RASSF8: variants seen among roughly 807,000 people sequenced by gnomAD.
RASSF8 encodes the protein ras association domain-containing protein 8.
In RASSF8, 22 loss-of-function variants were observed where a neutral mutation model predicts 48.5. The ratio of observed to expected loss-of-function variants is 0.45; its 90% CI spans 0.32 to 0.65. RASSF8 has a LOEUF of 0.65. Among genes scored for constraint, RASSF8 ranks in the 30% least tolerant of loss-of-function variants. The probability of loss-of-function intolerance (pLI) is 0.03; values close to 1 mark genes in which losing one functional copy is unlikely to be tolerated. For missense variants in RASSF8, 418 were observed against 489.2 expected, an observed-to-expected ratio of 0.85 and a Z score of 1.37; for synonymous variants, 127 against 171.5, an observed-to-expected ratio of 0.74 and a Z score of 2.03.
chr12:26,070,912 T>C lies in RASSF8; in HGVS notation c.*2094T>C. 1 of 984,860 alleles carries C rather than the reference T, an allele frequency of 1.0e-6. No individual in the cohort carries two copies. The highest frequency in any genetic ancestry group is 1.2e-6 in the Non-Finnish European group (1 of 829,406). 61.0% of individuals were successfully genotyped at this position (984,860 alleles called of 1,614,324 possible). A position where few individuals can be genotyped will look rare whatever the true frequency, so the allele number is the denominator to read the frequency against. ...TTATAAATTGTTATCAGAATTAACC[T>C]AATAACTTTAAGTAAGGACAAGCAG... On this transcript the variant is annotated 3_prime_UTR_variant, in exon 6 of 6. Transcript: ENST00000689635.
At chr12:26,037,292 G>C (rs186550576) in intron 2 of RASSF8, among the ~76,000 whole-genome samples, 1 of 152,294 alleles carries the variant, frequency 6.6e-6, no homozygotes, top group Admixed American at 6.5e-5. Flanking sequence ...CAATATCAGT[G>C]ATAAGATACT....
At chr12:26,067,196 G>A (rs1181865315) in intron 4 of RASSF8, among the ~76,000 whole-genome samples, 1 of 152,148 alleles carries the variant, frequency 6.6e-6, no homozygotes, top group Non-Finnish European at 1.5e-5. Context: ...AACCTGTGGG[G>A]TTTTTTCTTT....
rs1009681470 is a variant in RASSF8, at chr12:26,072,869, A to G, written c.*4051A>G. 1.1e-5 allele frequency: 10 copies of G among 894,544 alleles called. No individual in the cohort carries two copies. The highest frequency in any genetic ancestry group is 1.3e-5 in the Non-Finnish European group (10 of 747,438). The allele number at this position is 894,544 out of a possible 1,614,324, so 55.4% of individuals were successfully genotyped here. A position where few individuals can be genotyped will look rare whatever the true frequency, so the allele number is the denominator to read the frequency against. On this transcript the variant is annotated 3_prime_UTR_variant, in exon 6 of 6. Transcript: ENST00000689635. The stretch of plus-strand genomic sequence containing the variant: ...ATAAATTTTCAGGATTCATTGGGGC[A>G]TTACAGTTGTCAGTTTGTTTCTTAC...
chr12:26,060,293 G>A (rs1242762251), intron 3 of RASSF8, among the ~76,000 whole-genome samples: 2 of 152,096 alleles, frequency 1.3e-5, no homozygotes, highest in Non-Finnish European at 2.9e-5. Context: ...AAGATACACT[G>A]TGGATGATGT....
At chr12:26,050,406 T>C (rs1198284290) in intron 2 of RASSF8, among the ~76,000 whole-genome samples, 1 of 152,236 alleles carries the variant, frequency 6.6e-6, no homozygotes, top group Non-Finnish European at 1.5e-5. Flanking sequence ...GAATTCAAAC[T>C]GTGTGCCGAG....
chr12:26,017,055 TCTTA>T (rs1942668522), intron 2 of RASSF8, among the ~76,000 whole-genome samples: 1 of 152,208 alleles, frequency 6.6e-6, no homozygotes, highest in East Asian at 1.9e-4. Context: ...GAGGAAACAT[TCTTA>T]CTTGGTTTTC....
rs771690251 is a variant in RASSF8 at position 26,068,714 on chromosome 12, G to T, written c.1156G>T (p.Gly386Trp). The change falls in exon 6 of 6, where the codon GGG becomes TGG. Residue 386 changes from glycine (G) to tryptophan (W), a missense_variant. By Grantham distance (184) the Gly-to-Trp change is radical. Coordinates refer to ENST00000689635, the MANE Select transcript of RASSF8 (RefSeq NM_001394098.1). ...DIEREAPFQS[G>W]SLKRPGSSRQ... ...CTGTTTAGAGGCACCATTCCAGTCTGGGTCCCTGAAGCGACCTGGTTCATC... is the reference window on the plus strand; with the variant it reads ...CTGTTTAGAGGCACCATTCCAGTCTTGGTCCCTGAAGCGACCTGGTTCATC... 2.0e-6 allele frequency: 3 copies of T among 1,537,150 alleles called. No individual in the cohort carries two copies. The South Asian group carries it at 3.6e-5, about 18-fold the overall frequency.
At chr12:25,964,965 C>T (rs898485753) in intron 1 of RASSF8, among the ~76,000 whole-genome samples, 11 of 151,920 alleles carry the variant, frequency 7.2e-5, no homozygotes, top group Admixed American at 5.9e-4. Flanking sequence ...TTTTTTGAGA[C>T]GGAGTCTTGC....
In RASSF8 at chr12:26,071,417, A is replaced by G. The variant is rs1271960500; in HGVS notation, c.*2599A>G. Reference sequence around the variant, plus strand: ...AATGTTTTGTGTTTTTTTTAAAAAAATCATATTGCAACTTGTTTTATTGTG... The same window carrying G: ...AATGTTTTGTGTTTTTTTTAAAAAAGTCATATTGCAACTTGTTTTATTGTG... On this transcript the variant is annotated 3_prime_UTR_variant, in exon 6 of 6. Transcript: ENST00000689635. 3.2e-6 allele frequency: 3 copies of G among 941,728 alleles called. No individual in the cohort carries two copies. The highest frequency in any genetic ancestry group is 3.8e-6 in the Non-Finnish European group (3 of 790,482). The allele number at this position is 941,728 out of a possible 1,614,324, so 58.3% of individuals were successfully genotyped here.
At position 26,064,840 on chromosome 12, in the gene RASSF8, C is replaced by CT. The variant is rs1415985863; in HGVS notation, c.447dup (p.Glu150Ter). ...GACATTTTTGGAAAAGGTAAAGAAACTGAGTTTAAGCAAAAGGTGCTGAAT... is the reference window on the plus strand; with the variant it reads ...GACATTTTTGGAAAAGGTAAAGAAACTTGAGTTTAAGCAAAAGGTGCTGAAT... On this transcript the variant is annotated frameshift_variant, in exon 4 of 6. Transcript: ENST00000689635. LOFTEE classifies it high-confidence loss of function. 1.2e-6 allele frequency: 2 copies of CT among 1,614,138 alleles called. No individual in the cohort carries two copies. Among genetic ancestry groups the CT allele is most frequent in the South Asian group, 1.1e-5 (1 of 91,074 alleles).
rs950713197 is a variant in RASSF8, at chr12:25,979,848, A to G, written c.-202-15189A>G. On this transcript the variant is annotated intron_variant, in intron 1 of 5. Coordinates refer to ENST00000689635, the MANE Select transcript of RASSF8 (RefSeq NM_001394098.1). The stretch of plus-strand genomic sequence containing the variant: ...ATACCCTTGAGCAATTTTTACTAGC[A>G]GTAGGGGAGCTGGATCAGCAGCACA... 2.0e-5 allele frequency among the ~76,000 whole-genome samples: 3 copies of G among 150,780 alleles called. No homozygotes were observed. In the East Asian group the frequency reaches 5.9e-4, roughly 30 times the overall value.
At chr12:26,062,305 G>GA (rs1397083921) in intron 3 of RASSF8, among the ~76,000 whole-genome samples, 1 of 152,158 alleles carries the variant, frequency 6.6e-6, no homozygotes, top group Non-Finnish European at 1.5e-5. Flanking sequence ...TTTTTAACCT[G>GA]AAAATCATTG....
chr12:26,047,694 G>A (rs956603884), intron 2 of RASSF8, among the ~76,000 whole-genome samples: 6 of 152,154 alleles, frequency 3.9e-5, no homozygotes, highest in Admixed American at 6.5e-5. Flanking sequence ...GGTAACTACC[G>A]TCTCTAGCAG....
intron 4 of RASSF8, among the ~76,000 whole-genome samples, chr12:26,065,862 G>C (rs1418668751): frequency 6.6e-6 from 1 of 152,130 alleles, no homozygotes; most frequent in East Asian, 1.9e-4. Flanking sequence ...TCCTGAGAGA[G>C]GCACAAAGAT....
intron 1 of RASSF8, among the ~76,000 whole-genome samples, chr12:25,993,227 C>G (rs140982993): frequency 6.6e-6 from 1 of 152,336 alleles, no homozygotes; most frequent in African/African-American, 2.4e-5. Flanking sequence ...AGATTTTAAT[C>G]TCTGCATATA....
chr12:26,016,511 G>T (rs1020135140), intron 2 of RASSF8, among the ~76,000 whole-genome samples: 2 of 152,130 alleles, frequency 1.3e-5, no homozygotes, highest in Non-Finnish European at 2.9e-5. Context: ...ACAGGAAGGG[G>T]AGTGATCTTT....
At chr12:25,975,021 T>C (rs1337792812) in intron 1 of RASSF8, among the ~76,000 whole-genome samples, 4 of 152,164 alleles carry the variant, frequency 2.6e-5, no homozygotes, top group Non-Finnish European at 5.9e-5. Flanking sequence ...AGTGTGATAA[T>C]GGATAAAATA....
intron 1 of RASSF8, among the ~76,000 whole-genome samples, chr12:25,975,656 A>T (rs1286358901): frequency 1.3e-5 from 2 of 152,260 alleles, no homozygotes; most frequent in African/African-American, 4.8e-5. Flanking sequence ...AAAAGCTTGC[A>T]ATCTAGCAAA....
intron 2 of RASSF8, among the ~76,000 whole-genome samples, chr12:26,006,975 T>C (rs1281066130): frequency 6.6e-6 from 1 of 152,120 alleles, no homozygotes; most frequent in African/African-American, 2.4e-5. Flanking sequence ...AAGTTCAAGA[T>C]TGGGCATCTG....
Sources: allele counts gnomAD v4.1 joint callset (sites outside exome capture counted in the v4.1 genomes callset), GRCh38; gene constraint gnomAD v4.1.1; transcripts MANE v1.5; gene names NCBI Gene and HGNC (gene_info 2026-07-23, HGNC 2026-07-21).